DCDC1: variants seen among roughly 807,000 people sequenced by gnomAD.
DCDC1 encodes the protein doublecortin domain-containing protein 1.
Under a neutral mutation model 178.3 loss-of-function variants are expected in DCDC1, and 200 were observed. That is an observed-to-expected ratio of 1.12 (90% CI 1.00 to 1.26). The LOEUF is 1.26. DCDC1 is among the 50% of genes most tolerant of loss of function. DCDC1 has a pLI of 0.00. For missense variants in DCDC1, 1,983 were observed against 1,749.2 expected (o/e 1.13, Z -2.38); for synonymous variants, 690 against 604.8 (o/e 1.14, Z -2.07).
intron 10 of DCDC1, among the ~76,000 whole-genome samples, chr11:31,136,693 AT>A (rs1198840431): frequency 6.6e-6 from 1 of 152,194 alleles, no homozygotes; most frequent in East Asian, 1.9e-4. Context: ...GTACATAGAA[AT>A]TAGAAAATTC....
At chr11:30,895,823 C>A (rs536648924) in intron 34 of DCDC1, among the ~76,000 whole-genome samples, 2 of 152,248 alleles carry the variant, frequency 1.3e-5, no homozygotes, top group East Asian at 3.9e-4. Flanking sequence ...AGTTTTTACC[C>A]AACTCTATTT....
intron 9 of DCDC1, among the ~76,000 whole-genome samples, chr11:31,139,059 A>T (rs1252930946): frequency 6.6e-6 from 1 of 152,156 alleles, no homozygotes; most frequent in African/African-American, 2.4e-5. Context: ...TCTCTGTTGC[A>T]ATTACTTGAC....
intron 21 of DCDC1, among the ~76,000 whole-genome samples, chr11:30,938,450 C>G (rs1947418989): frequency 6.6e-6 from 1 of 152,186 alleles, no homozygotes; most frequent in Non-Finnish European, 1.5e-5. Flanking sequence ...CCTTCAGGGT[C>G]AGCAGCTTAA....
intron 9 of DCDC1, among the ~76,000 whole-genome samples, chr11:31,140,970 A>G (rs755376857): frequency 6.6e-6 from 1 of 152,180 alleles, no homozygotes; most frequent in Non-Finnish European, 1.5e-5. Context: ...CATAATTAAA[A>G]GTGCTCTTAA....
At chr11:31,091,347 GA>G in intron 17 of DCDC1, 45 bp downstream of exon 17, 3 of 695,360 alleles carry the variant, frequency 4.3e-6, no homozygotes, top group Non-Finnish European at 2.6e-6. Flanking sequence ...CAGAATTCTT[GA>G]AATTAGCATT....
chr11:31,117,662 A>AT (rs1355728476), intron 11 of DCDC1, among the ~76,000 whole-genome samples: 1 of 150,758 alleles, frequency 6.6e-6, no homozygotes, highest in East Asian at 2.0e-4. Context: ...GTCTTACCCC[A>AT]TTTTGCTGTG....
chr11:31,237,310 G>A (rs1015241961), intron 9 of DCDC1, among the ~76,000 whole-genome samples: 2 of 151,838 alleles, frequency 1.3e-5, no homozygotes, highest in Non-Finnish European at 2.9e-5. Flanking sequence ...ACTCAAGCTA[G>A]ATGGTTATTT....
At chr11:31,178,838 G>C (rs772121082) in intron 9 of DCDC1, among the ~76,000 whole-genome samples, 1 of 151,894 alleles carries the variant, frequency 6.6e-6, no homozygotes, top group South Asian at 2.1e-4. Flanking sequence ...GATTACAGGC[G>C]CCTGCCACCA....
At chr11:31,009,662 C>T (rs1347615064) in intron 20 of DCDC1, among the ~76,000 whole-genome samples, 1 of 152,100 alleles carries the variant, frequency 6.6e-6, no homozygotes, top group African/African-American at 2.4e-5. Context: ...GGTGCAAATT[C>T]CCCTCTCCTC....
intron 20 of DCDC1, among the ~76,000 whole-genome samples, chr11:31,057,534 C>T (rs1296088742): frequency 6.6e-6 from 1 of 151,886 alleles, no homozygotes; most frequent in Non-Finnish European, 1.5e-5. Context: ...TGCAATGAAG[C>T]TAAAGCCATG....
At chr11:31,071,469 C>T (rs1434442976) in intron 18 of DCDC1, among the ~76,000 whole-genome samples, 3 of 152,106 alleles carry the variant, frequency 2.0e-5, no homozygotes, top group Admixed American at 2.0e-4. Context: ...AACTGACCTG[C>T]AGGAATATTG....
chr11:31,176,344 C>A (rs1445444117), intron 9 of DCDC1, among the ~76,000 whole-genome samples: 1 of 152,110 alleles, frequency 6.6e-6, no homozygotes, highest in Non-Finnish European at 1.5e-5. Flanking sequence ...TGAAATAACT[C>A]AGTCTGAGAA....
intron 8 of DCDC1, among the ~76,000 whole-genome samples, chr11:31,242,274 G>C (rs1300359204): frequency 6.6e-6 from 1 of 151,836 alleles, no homozygotes; most frequent in Non-Finnish European, 1.5e-5. Flanking sequence ...ATAGATAAAA[G>C]ATATTTACTT....
chr11:30,915,304 T>C (rs1945754539), intron 27 of DCDC1, among the ~76,000 whole-genome samples: 1 of 152,210 alleles, frequency 6.6e-6, no homozygotes, highest in Non-Finnish European at 1.5e-5. Context: ...AATCTGATTG[T>C]GGATAAATTG....
At chr11:31,021,025 A>G (rs1952841034) in intron 20 of DCDC1, among the ~76,000 whole-genome samples, 1 of 152,238 alleles carries the variant, frequency 6.6e-6, no homozygotes, top group South Asian at 2.1e-4. Flanking sequence ...AATTGCAAGG[A>G]CAGACCATTT....
At chr11:31,342,136 T>C (rs559081620) in intron 1 of DCDC1, among the ~76,000 whole-genome samples, 1 of 152,310 alleles carries the variant, frequency 6.6e-6, no homozygotes, top group South Asian at 2.1e-4. Context: ...ACTTTCCTTT[T>C]GAACGACAGT....
chr11:31,209,447 T>C (rs1235984742), intron 9 of DCDC1, among the ~76,000 whole-genome samples: 1 of 152,020 alleles, frequency 6.6e-6, no homozygotes, highest in African/African-American at 2.4e-5. Flanking sequence ...TATTACAGAG[T>C]GGTTGAAGAT....
At chr11:30,974,755 C>T (rs1430862642) in intron 20 of DCDC1, among the ~76,000 whole-genome samples, 1 of 152,060 alleles carries the variant, frequency 6.6e-6, no homozygotes, top group Non-Finnish European at 1.5e-5. Flanking sequence ...GACCTGATGG[C>T]TTCACTGCCA....
chr11:31,206,913 A>C (rs1010205975), intron 9 of DCDC1, among the ~76,000 whole-genome samples: 26 of 152,248 alleles, frequency 1.7e-4, no homozygotes, highest in Admixed American at 3.3e-4. Flanking sequence ...AATTTCATAA[A>C]ACATTATAGT....
Sources: allele counts gnomAD v4.1 joint callset (sites outside exome capture counted in the v4.1 genomes callset), GRCh38; gene constraint gnomAD v4.1.1; transcripts MANE v1.5; gene names NCBI Gene and HGNC (gene_info 2026-07-23, HGNC 2026-07-21).